GSE1: variants seen among roughly 807,000 people sequenced by gnomAD.
GSE1 encodes the protein Gse1 coiled-coil protein, also known as genetic suppressor element 1.
A neutral mutation model predicts 112.6 loss-of-function variants in GSE1; 32 were observed. The ratio of observed to expected loss-of-function variants is 0.28; its 90% CI spans 0.21 to 0.38. The LOEUF (loss-of-function observed/expected upper bound fraction) is 0.38. Among genes scored for constraint, GSE1 ranks in the 10% least tolerant of loss-of-function variants. The pLI, the probability that GSE1 is intolerant of heterozygous loss-of-function variation, is 1.00. For synonymous variants in GSE1, 1,115 were observed against 735.6 expected, an observed-to-expected ratio of 1.52 and a Z score of -8.35; for missense variants, 2,348 against 1,699.2, an observed-to-expected ratio of 1.38 and a Z score of -6.71.
At chr16:85,555,030 G>A (rs967118650), upstream of GSE1, 1 of 985,238 alleles carries the variant, frequency 1.0e-6, no homozygotes, top group African/African-American at 1.7e-5. Flanking sequence ...GCGGGGGGAA[G>A]CTCGCAAGTG....
chr16:85,365,016 A>C (rs934022511), intron 2 of GSE1, among the ~76,000 whole-genome samples: 3 of 152,180 alleles, frequency 2.0e-5, no homozygotes, highest in African/African-American at 7.2e-5. Context: ...GCCTGTCCTC[A>C]GGCCCCTGCA....
intron 1 of GSE1, among the ~76,000 whole-genome samples, chr16:85,613,985 T>G (rs919939972): frequency 1.3e-5 from 2 of 151,050 alleles, no homozygotes; most frequent in Non-Finnish European, 3.0e-5. Flanking sequence ...CTGCCGGGTT[T>G]GTGACCCCCA....
At chr16:85,668,540 G>C in intron 14 of GSE1, 116 bp downstream of exon 14, 1 of 695,004 alleles carries the variant, frequency 1.4e-6, no homozygotes. Context: ...CTCCGTCCTG[G>C]GGCACAGTAG....
chr16:85,258,289 C>T lies in GSE1; in HGVS notation c.2283+86482C>T, dbSNP rs562143683. ...CAGCCCAGTTCCCTTGAGGGGCTGA[C>T]AAGAGGCTGGAGTCACACAGACTGA... is the stretch of plus-strand genomic sequence containing the variant. On this transcript the variant is annotated intron_variant, in intron 1 of 2. Coordinates refer to the GSE1 transcript ENST00000637419. Among the ~76,000 whole-genome samples, 3 of 152,320 alleles carry T rather than the reference C, an allele frequency of 2.0e-5. No homozygotes were observed. The South Asian group carries it at 6.2e-4, about 32-fold the overall frequency.
At chr16:85,536,150 C>T (rs1245298092) in intron 2 of GSE1, among the ~76,000 whole-genome samples, 2 of 152,184 alleles carry the variant, frequency 1.3e-5, no homozygotes, top group African/African-American at 2.4e-5. Flanking sequence ...CCACCTCTAG[C>T]GATTAATGGG....
chr16:85,361,237 CAT>C (rs199927872), intron 2 of GSE1, among the ~76,000 whole-genome samples: 1,577 of 138,412 alleles, frequency 0.011, 24 homozygotes, highest in Non-Finnish European at 0.018. Flanking sequence ...CAGAGACACA[CAT>C]AGACAGGCAC....
chr16:85,631,087 G>T (rs1195657441), intron 1 of GSE1, among the ~76,000 whole-genome samples: 1 of 152,222 alleles, frequency 6.6e-6, no homozygotes, highest in Admixed American at 6.5e-5. Flanking sequence ...CCTCCTGAGT[G>T]CCTCGTTGGG....
chr16:85,206,960 C>T (rs116347658), intron 1 of GSE1, among the ~76,000 whole-genome samples: 3 of 152,308 alleles, frequency 2.0e-5, no homozygotes, highest in Non-Finnish European at 4.4e-5. Flanking sequence ...CTGTTTACAG[C>T]CTCCGGCGGC....
At chr16:85,534,177 A>G (rs1342565735) in intron 2 of GSE1, among the ~76,000 whole-genome samples, 1 of 149,206 alleles carries the variant, frequency 6.7e-6, no homozygotes, top group East Asian at 2.0e-4. Context: ...GCTGGAGTGC[A>G]GTGGCCTGAT....
At chr16:85,458,132 C>T (rs1053317473) in intron 2 of GSE1, among the ~76,000 whole-genome samples, 1 of 152,210 alleles carries the variant, frequency 6.6e-6, no homozygotes, top group Non-Finnish European at 1.5e-5. Context: ...CCCTCTGCAG[C>T]ACCAGCCGGC....
chr16:85,626,798 C>A (rs372983358), intron 1 of GSE1, among the ~76,000 whole-genome samples: 36 of 151,940 alleles, frequency 2.4e-4, no homozygotes, highest in Non-Finnish European at 4.0e-4. Flanking sequence ...GCGGCTGGCA[C>A]GCTGATTAAT....
chr16:85,213,569 G>C (rs1478489744), intron 1 of GSE1, among the ~76,000 whole-genome samples: 2 of 152,218 alleles, frequency 1.3e-5, no homozygotes, highest in African/African-American at 4.8e-5. Flanking sequence ...TGGCATTTCC[G>C]AGCCGAAGTG....
At chr16:85,488,265 C>A (rs1050183950) in intron 2 of GSE1, among the ~76,000 whole-genome samples, 3 of 152,160 alleles carry the variant, frequency 2.0e-5, no homozygotes, top group African/African-American at 7.2e-5. Flanking sequence ...CGTCCTCTTG[C>A]AGTCTTTTCT....
intron 2 of GSE1, among the ~76,000 whole-genome samples, chr16:85,408,352 C>T (rs1387360403): frequency 1.1e-4 from 1 of 9,414 alleles, no homozygotes; most frequent in Non-Finnish European, 1.7e-4. Flanking sequence ...CTGTTACTCT[C>T]AGGCCCCCCG....
intron 1 of GSE1, among the ~76,000 whole-genome samples, chr16:85,317,834 G>A (rs1373975217): frequency 1.3e-5 from 2 of 152,190 alleles, no homozygotes; most frequent in African/African-American, 2.4e-5. Context: ...TGCCTCGTCC[G>A]CTTCTGGGAG....
At chr16:85,413,201 C>T (rs1001100124) in intron 2 of GSE1, among the ~76,000 whole-genome samples, 17 of 152,230 alleles carry the variant, frequency 1.1e-4, no homozygotes, top group Non-Finnish European at 1.6e-4. Flanking sequence ...GCAGCGGCCG[C>T]TGTGAGTGAG....
chr16:85,191,016 T>G (rs1162293141), intron 1 of GSE1, among the ~76,000 whole-genome samples: 1 of 152,230 alleles, frequency 6.6e-6, no homozygotes, highest in Non-Finnish European at 1.5e-5. Context: ...CCCAGCACTT[T>G]GGGAGGTCAC....
upstream of GSE1, among the ~76,000 whole-genome samples, chr16:85,606,705 G>A (rs76618142): frequency 0.011 from 1,664 of 152,330 alleles, 28 homozygotes; most frequent in African/African-American, 0.038. Context: ...CCAAGTGGAC[G>A]CAAGCTCTTC....
intron 2 of GSE1, among the ~76,000 whole-genome samples, chr16:85,459,589 C>G (rs1406979807): frequency 6.6e-6 from 1 of 152,180 alleles, no homozygotes; most frequent in African/African-American, 2.4e-5. Flanking sequence ...CATGCTCTGC[C>G]TGGTCCCTTT....
Sources: gnomAD v4.1 joint callset for allele counts (sites outside exome capture counted in the v4.1 genomes callset) on GRCh38, gnomAD v4.1.1 for gene constraint, MANE v1.5 for transcripts, NCBI Gene and HGNC (gene_info 2026-07-23, HGNC 2026-07-21) for gene names.